PEAK1: variants seen among roughly 807,000 people sequenced by gnomAD.
The protein encoded by PEAK1 is pseudopodium enriched atypical kinase 1, also known as inactive tyrosine-protein kinase PEAK1.
In PEAK1, 54 loss-of-function variants were observed where a neutral mutation model predicts 124.7. The ratio of observed to expected loss-of-function variants is 0.43; its 90% CI spans 0.35 to 0.54. PEAK1 has a LOEUF of 0.54. PEAK1 is among the 20% of genes least tolerant of loss of function. The pLI, the probability that PEAK1 is intolerant of heterozygous loss-of-function variation, is 0.01. For missense variants in PEAK1, 2,046 were observed against 2,134.5 expected, an observed-to-expected ratio of 0.96 and a Z score of 0.82; for synonymous variants, 719 against 760.0, an observed-to-expected ratio of 0.95 and a Z score of 0.89.
intron 2 of PEAK1, among the ~76,000 whole-genome samples, chr15:77,330,664 C>A (rs1177592758): frequency 6.6e-6 from 1 of 152,174 alleles, no homozygotes; most frequent in East Asian, 1.9e-4. Flanking sequence ...AAACATTGCT[C>A]TCTTCCTCCC....
At chr15:77,250,169 A>G (rs1180756660) in intron 6 of PEAK1, among the ~76,000 whole-genome samples, 16 of 139,394 alleles carry the variant, frequency 1.1e-4, no homozygotes, top group African/African-American at 3.9e-4. Flanking sequence ...ATATATACAT[A>G]TATATGTATA....
intron 5 of PEAK1, among the ~76,000 whole-genome samples, chr15:77,262,194 G>C (rs1448048768): frequency 2.0e-5 from 3 of 152,146 alleles, no homozygotes; most frequent in African/African-American, 7.2e-5. Context: ...GGAAGAAATT[G>C]CATCAACTAA....
chr15:77,186,212 C>G (rs879801929), intron 6 of PEAK1, among the ~76,000 whole-genome samples: 5 of 152,018 alleles, frequency 3.3e-5, no homozygotes, highest in Non-Finnish European at 7.4e-5. Flanking sequence ...GCACTGAATA[C>G]AAAAAAGAAT....
At chr15:77,134,829 ATG>A (rs1168552337) in intron 8 of PEAK1, among the ~76,000 whole-genome samples, 1 of 152,174 alleles carries the variant, frequency 6.6e-6, no homozygotes, top group Non-Finnish European at 1.5e-5. Flanking sequence ...GTACCTATGA[ATG>A]TGACCTGTTG....
chr15:77,372,850 G>A (rs570632405), intron 1 of PEAK1, among the ~76,000 whole-genome samples: 42 of 150,064 alleles, frequency 2.8e-4, no homozygotes, highest in African/African-American at 9.2e-4. Flanking sequence ...GTTTAAAAGT[G>A]TGTAGCACCT....
At chr15:77,102,172 G>T (rs890701350) in exon 7 of PEAK1, 6 of 151,952 alleles carry the variant, frequency 3.9e-5, no homozygotes, top group African/African-American at 1.5e-4. Context: ...TTTTAGATAT[G>T]CCACCTTAGG....
intron 1 of PEAK1, among the ~76,000 whole-genome samples, chr15:77,372,325 C>T (rs993323845): frequency 2.6e-5 from 4 of 152,176 alleles, no homozygotes; most frequent in African/African-American, 9.7e-5. Context: ...TGACAGGCAA[C>T]AAGAATCTGA....
intron 5 of PEAK1, among the ~76,000 whole-genome samples, chr15:77,272,893 A>T (rs996736734): frequency 6.6e-6 from 1 of 152,204 alleles, no homozygotes; most frequent in Non-Finnish European, 1.5e-5. Flanking sequence ...TCCAACAGAG[A>T]TAAAAAAGAT....
In PEAK1 at chr15:77,180,215, G is replaced by GT; in HGVS notation, c.1711dup (p.Thr571AsnfsTer16). 1 of 1,614,216 alleles carries GT rather than the reference G, an allele frequency of 6.2e-7. No individual in the cohort carries two copies. Among genetic ancestry groups the GT allele is most frequent in the South Asian group, 1.1e-5 (1 of 91,082 alleles). Reference sequence around the variant, plus strand: ...GGAAATGTTTGTAGCTGTGGGTGATGTAGGTGCTGATTTGTGACAGTTTTT... The same window carrying GT: ...GGAAATGTTTGTAGCTGTGGGTGATGTTAGGTGCTGATTTGTGACAGTTTTT... On this transcript the variant is annotated frameshift_variant, in exon 7 of 10. Transcript: ENST00000682557. LOFTEE classifies it high-confidence loss of function.
chr15:77,368,627 A>G (rs1422660749), intron 1 of PEAK1, among the ~76,000 whole-genome samples: 1 of 152,224 alleles, frequency 6.6e-6, no homozygotes, highest in African/African-American at 2.4e-5. Flanking sequence ...AATAAGTAAG[A>G]CAATGGAGAC....
chr15:77,194,585 T>C (rs1194798291), intron 6 of PEAK1, among the ~76,000 whole-genome samples: 1 of 152,180 alleles, frequency 6.6e-6, no homozygotes, highest in Non-Finnish European at 1.5e-5. Flanking sequence ...CTTCCCCAGA[T>C]TCCCATCATA....
chr15:77,293,207 T>C (rs540398767), intron 2 of PEAK1, among the ~76,000 whole-genome samples: 2 of 152,362 alleles, frequency 1.3e-5, no homozygotes, highest in Non-Finnish European at 2.9e-5. Context: ...ACTTGAACCA[T>C]TGGCAGTTTA....
rs148178852 is a variant in PEAK1 at position 77,386,190 on chromosome 15, T to G, written c.-665-20965A>C. On this transcript the variant is annotated intron_variant, in intron 1 of 9. Transcript: ENST00000682557. ...TCTATTTAGTAGGTATTATAACTTGTCCAAAGTCACAAAACAAGCAAGTTG... is the reference window on the plus strand; with the variant it reads ...TCTATTTAGTAGGTATTATAACTTGGCCAAAGTCACAAAACAAGCAAGTTG... Among the ~76,000 whole-genome samples, 4 of 152,308 alleles carry G rather than the reference T, an allele frequency of 2.6e-5. No homozygotes were observed. The South Asian group carries it at 6.2e-4, about 24-fold the overall frequency.
At chr15:77,238,601 T>C (rs560955199) in intron 6 of PEAK1, among the ~76,000 whole-genome samples, 11 of 152,334 alleles carry the variant, frequency 7.2e-5, no homozygotes, top group African/African-American at 2.2e-4. Context: ...TGTGACCCTA[T>C]CTTTTTTGGA....
At chr15:77,130,609 C>T (rs1358305417) in intron 9 of PEAK1, among the ~76,000 whole-genome samples, 2 of 152,182 alleles carry the variant, frequency 1.3e-5, no homozygotes, top group Non-Finnish European at 2.9e-5. Context: ...TCTGGTCTTT[C>T]TAAGCCTAAT....
At chr15:77,305,520 A>T (rs1447763856) in intron 2 of PEAK1, among the ~76,000 whole-genome samples, 2 of 152,202 alleles carry the variant, frequency 1.3e-5, no homozygotes, top group African/African-American at 4.8e-5. Flanking sequence ...TTACATATGT[A>T]ATGAGGAGCC....
At chr15:77,105,114 G>C (rs551229391), downstream of PEAK1, 1 of 152,354 alleles carries the variant, frequency 6.6e-6, no homozygotes, top group East Asian at 1.9e-4. Flanking sequence ...TTTGACTCCA[G>C]CTCAAGTGTG....
intron 2 of PEAK1, chr15:77,334,240 T>G: frequency 1.0e-6 from 1 of 984,688 alleles, no homozygotes; most frequent in Non-Finnish European, 1.2e-6. Flanking sequence ...TTAGTTCAAA[T>G]AGGCTTTCAG....
At chr15:77,116,364 A>C (rs968950645) in intron 9 of PEAK1, among the ~76,000 whole-genome samples, 4 of 152,186 alleles carry the variant, frequency 2.6e-5, no homozygotes, top group Non-Finnish European at 5.9e-5. Flanking sequence ...CATTACAAAT[A>C]TCAAAGGCTC....
Sources: gnomAD v4.1 joint callset for allele counts (sites outside exome capture counted in the v4.1 genomes callset) on GRCh38, gnomAD v4.1.1 for gene constraint, MANE v1.5 for transcripts, NCBI Gene and HGNC (gene_info 2026-07-23, HGNC 2026-07-21) for gene names.